SNX4: variants seen among roughly 807,000 people sequenced by gnomAD.
The protein encoded by SNX4 is sorting nexin 4.
In SNX4, 49 loss-of-function variants were observed where a neutral mutation model predicts 70.8. The ratio of observed to expected loss-of-function variants is 0.69; its 90% confidence interval spans 0.55 to 0.88. SNX4 has a LOEUF of 0.88. Ranked by LOEUF, SNX4 falls within the 40% of genes least tolerant of loss-of-function variation. The pLI is 0.00. For synonymous variants in SNX4, 206 were observed against 183.8 expected (o/e 1.12, Z -0.98); for missense variants, 528 against 544.8 (o/e 0.97, Z 0.31).
At chr3:125,468,307 G>C (rs544885462) in intron 9 of SNX4, among the ~76,000 whole-genome samples, 1 of 152,194 alleles carries the variant, frequency 6.6e-6, no homozygotes, top group Non-Finnish European at 1.5e-5. Context: ...AGCTTACTGG[G>C]TGATGAAATG....
chr3:125,472,654 G>C (rs1234270796), intron 8 of SNX4, among the ~76,000 whole-genome samples: 4 of 152,150 alleles, frequency 2.6e-5, no homozygotes, highest in Admixed American at 2.6e-4. Flanking sequence ...AATTGGTGAA[G>C]GGAGGTAAAG....
At position 125,490,381 on chromosome 3, in the gene SNX4, G is replaced by A. The variant is rs370418069; in HGVS notation, c.598-918C>T. ...ACTAAAAATACAAAAAATTAGCCAG[G>A]CGTGGTGGCGCGTGCCTGTAGTCCC... On this transcript the variant is annotated intron_variant, in intron 5 of 13. Transcript: ENST00000251775. 4.0e-5 allele frequency among the ~76,000 whole-genome samples: 6 copies of A among 151,484 alleles called. No individual in the cohort carries two copies. The South Asian group carries it at 6.3e-4, about 16-fold the overall frequency.
chr3:125,487,795 A>G (rs1375436044), intron 6 of SNX4, among the ~76,000 whole-genome samples: 3 of 151,944 alleles, frequency 2.0e-5, no homozygotes, highest in Non-Finnish European at 4.4e-5. Flanking sequence ...TAATAAAAAG[A>G]TCAGTGATTC....
At chr3:125,510,793 G>T (rs1021409335) in intron 1 of SNX4, among the ~76,000 whole-genome samples, 1 of 152,182 alleles carries the variant, frequency 6.6e-6, no homozygotes, top group African/African-American at 2.4e-5. Flanking sequence ...GGTTTAACAG[G>T]TACAATTTCA....
At chr3:125,461,219 C>CT (rs1159112103) in intron 9 of SNX4, among the ~76,000 whole-genome samples, 1 of 152,180 alleles carries the variant, frequency 6.6e-6, no homozygotes, top group Non-Finnish European at 1.5e-5. Context: ...CAGCAAGACT[C>CT]TGTCTCAAAA....
chr3:125,515,356 A>AATAT (rs3030891), intron 1 of SNX4, among the ~76,000 whole-genome samples: 1 of 143,410 alleles, frequency 7.0e-6, no homozygotes. Flanking sequence ...TGTCTCAAAA[A>AATAT]ATATATATAT....
intron 12 of SNX4, among the ~76,000 whole-genome samples, chr3:125,452,110 A>G (rs574039343): frequency 1.4e-5 from 2 of 141,104 alleles, no homozygotes; most frequent in African/African-American, 5.2e-5. Flanking sequence ...CACGTTTAGC[A>G]TTTTTTTTTT....
chr3:125,475,190 TCAAC>T (rs1934262865), intron 8 of SNX4, among the ~76,000 whole-genome samples: 2 of 152,192 alleles, frequency 1.3e-5, no homozygotes, highest in Admixed American at 6.5e-5. Flanking sequence ...AATGTATTGA[TCAAC>T]CAAAGACATA....
intron 1 of SNX4, among the ~76,000 whole-genome samples, chr3:125,515,393 G>T (rs1382405130): frequency 2.0e-5 from 3 of 151,658 alleles, no homozygotes; most frequent in Non-Finnish European, 4.4e-5. Flanking sequence ...CGGGCATGGT[G>T]ACTCACGCCT....
At chr3:125,448,010 A>G (rs9860043) in intron 13 of SNX4, among the ~76,000 whole-genome samples, 184 bp from the exon 14 acceptor site, 2,708 of 152,276 alleles carry the variant, frequency 0.018, 78 homozygotes, top group African/African-American at 0.06. Flanking sequence ...GAGAAACAGA[A>G]TCTCTAATAC....
intron 2 of SNX4, among the ~76,000 whole-genome samples, chr3:125,499,871 G>A (rs549963688): frequency 2.6e-5 from 4 of 151,524 alleles, no homozygotes; most frequent in East Asian, 1.9e-4. Flanking sequence ...CCAGCCTGGC[G>A]AACATGGTGA....
intron 8 of SNX4, among the ~76,000 whole-genome samples, chr3:125,475,024 C>T (rs1934259032): frequency 6.6e-6 from 1 of 152,156 alleles, no homozygotes; most frequent in South Asian, 2.1e-4. Context: ...TACTATTTGT[C>T]TTTCTTCCCA....
At chr3:125,468,861 A>G (rs1407855280) in intron 9 of SNX4, among the ~76,000 whole-genome samples, 1 of 152,020 alleles carries the variant, frequency 6.6e-6, no homozygotes, top group Non-Finnish European at 1.5e-5. Context: ...TAAAAAAAAA[A>G]AAAAAAAAAA....
At chr3:125,453,279 C>G (rs988707040) in intron 12 of SNX4, among the ~76,000 whole-genome samples, 2 of 152,004 alleles carry the variant, frequency 1.3e-5, no homozygotes, top group Admixed American at 6.6e-5. Flanking sequence ...AATTAAATGC[C>G]GTGATAGCCT....
chr3:125,489,390 A>C lies in SNX4; in HGVS notation c.653+18T>G. On this transcript the variant is annotated intron_variant, in intron 6 of 13. Transcript: ENST00000251775. Reference sequence around the variant, plus strand: ...CATTCAAAACAACATTGTAACTGTTATTAAAACAAAACCTTACTTGTCTGG... The same window carrying C: ...CATTCAAAACAACATTGTAACTGTTCTTAAAACAAAACCTTACTTGTCTGG... 1 of 1,599,232 alleles carries C rather than the reference A, an allele frequency of 6.3e-7. No homozygotes were observed.
Position 125,520,083 on chromosome 3 carries a change from C to A in SNX4, c.90G>T (p.Ala30=). Residue 30 remains alanine, a synonymous_variant, in exon 1 of 14, where the codon GCG becomes GCT. Coordinates refer to ENST00000251775, the MANE Select transcript of SNX4 (RefSeq NM_003794.4). ...CGGCCCCCTCCGCTTCCTTGCCGAC[C>A]GCAGCCCCCAGCCCAGCGTCTGGGG... ...LGSPDAGLGA[A]VGKEAEGAGE... is the part of the protein sequence containing the mutation. The A allele has an allele frequency of 6.5e-7, 1 of 1,543,980 alleles. No homozygotes were observed. The highest frequency in any genetic ancestry group is 2.7e-5 in the East Asian group (1 of 36,690).
chr3:125,470,964 G>A (rs1012726917), intron 8 of SNX4, among the ~76,000 whole-genome samples: 18 of 152,282 alleles, frequency 1.2e-4, no homozygotes, highest in Middle Eastern at 3.4e-3. Flanking sequence ...ATCAGAGACA[G>A]AGCTGAGCCT....
intron 2 of SNX4, among the ~76,000 whole-genome samples, chr3:125,498,514 C>T (rs945177422): frequency 6.6e-6 from 1 of 152,108 alleles, no homozygotes; most frequent in Admixed American, 6.5e-5. Flanking sequence ...AGATGGGGTC[C>T]AGCTATGTTG....
chr3:125,515,843 T>C (rs1935267763), intron 1 of SNX4, among the ~76,000 whole-genome samples: 1 of 152,066 alleles, frequency 6.6e-6, no homozygotes, highest in South Asian at 2.1e-4. Flanking sequence ...GCCCAGGAGT[T>C]TGAGACCAAC....
Sources: gnomAD v4.1 joint callset for allele counts (sites outside exome capture counted in the v4.1 genomes callset) on GRCh38, gnomAD v4.1.1 for gene constraint, MANE v1.5 for transcripts, NCBI Gene and HGNC (gene_info 2026-07-23, HGNC 2026-07-21) for gene names.